NOVA1: variants seen among roughly 807,000 people sequenced by gnomAD.
NOVA1 encodes the protein NOVA alternative splicing regulator 1, also known as RNA-binding protein Nova-1.
NOVA1 carries 7 observed loss-of-function variants against 38.0 expected under a neutral mutation model. The observed-to-expected ratio is 0.18, with a 90% CI of 0.10 to 0.35. NOVA1 has a LOEUF of 0.35. Ranked by LOEUF, NOVA1 falls within the 10% of genes least tolerant of loss-of-function variation. The pLI is 1.00. For synonymous variants in NOVA1, 270 were observed against 232.5 expected (o/e 1.16, Z -1.47); for missense variants, 460 against 616.0 (o/e 0.75, Z 2.68).
In NOVA1 at chr14:26,446,213, T is replaced by C. The variant is rs954164278; in HGVS notation, c.*1746A>G. On this transcript the variant is annotated 3_prime_UTR_variant, in exon 5 of 5. Coordinates refer to ENST00000539517, the MANE Select transcript of NOVA1 (RefSeq NM_002515.3). The stretch of plus-strand genomic sequence containing the variant: ...TTTGACAGAAATGAATTATTAATAG[T>C]GGAAGGGGAAGGGATCAGGAAATAA... 1.1e-4 allele frequency: 17 copies of C among 150,828 alleles called. No individual in the cohort carries two copies. The highest frequency in any genetic ancestry group is 3.9e-4 in the African/African-American group (16 of 41,066). The allele number at this position is 150,828 out of a possible 1,614,324, so 9.3% of individuals were successfully genotyped here.
intron 2 of NOVA1, among the ~76,000 whole-genome samples, chr14:26,584,554 T>C (rs1801669257): frequency 6.6e-6 from 1 of 151,386 alleles, no homozygotes; most frequent in Admixed American, 6.6e-5. Context: ...GTCTCTTACC[T>C]GTACAGATAT....
chr14:26,596,812 C>T, intron 1 of NOVA1: 1 of 1,151,310 alleles, frequency 8.7e-7, no homozygotes, highest in South Asian at 1.7e-5. Flanking sequence ...CTACTTGTGG[C>T]CCAAAGCAAG....
rs869087238 is a variant in NOVA1, at chr14:26,484,428, GAAAAAAAAAAAAAAA to G, written c.281-4300_281-4286del. ...TCCAGCCTGGGCGAGACTCCGTCTC[GAAAAAAAAAAAAAAA>G]AAAAAAAAAAAAAAAAAAAGAAATT... On this transcript the variant is annotated intron_variant, in intron 2 of 4. Coordinates refer to ENST00000539517, the MANE Select transcript of NOVA1 (RefSeq NM_002515.3). 1.1e-4 allele frequency among the ~76,000 whole-genome samples: 6 copies of G among 56,438 alleles called. No homozygotes were observed. The East Asian group carries it at 2.5e-3, about 23-fold the overall frequency. 37.0% of individuals were successfully genotyped at this position (56,438 alleles called of 152,430 possible). A position where few individuals can be genotyped will look rare whatever the true frequency, so the allele number is the denominator to read the frequency against.
chr14:26,527,944 T>C (rs1042004277), intron 2 of NOVA1, among the ~76,000 whole-genome samples: 2 of 151,920 alleles, frequency 1.3e-5, no homozygotes, highest in Admixed American at 6.6e-5. Flanking sequence ...AAGAAGAAAC[T>C]AAAAAAGGTA....
intron 2 of NOVA1, among the ~76,000 whole-genome samples, chr14:26,537,792 G>A (rs1890207722): frequency 6.6e-6 from 1 of 152,150 alleles, no homozygotes; most frequent in Admixed American, 6.6e-5. Context: ...AAAAGACTAT[G>A]AGGAGAGAAC....
chr14:26,572,621 G>T (rs934274705), intron 2 of NOVA1, among the ~76,000 whole-genome samples: 12 of 151,950 alleles, frequency 7.9e-5, no homozygotes, highest in African/African-American at 2.4e-4. Flanking sequence ...TATAGGATGT[G>T]TCACAAGAAC....
At position 26,451,462 on chromosome 14, in the gene NOVA1, G is replaced by A. The variant is rs932000828; in HGVS notation, c.520-2499C>T. Among the ~76,000 whole-genome samples the A allele has an allele frequency of 2.0e-5, 3 of 152,046 alleles. No homozygotes were observed. In the South Asian group the frequency reaches 6.2e-4, roughly 32 times the overall value. On this transcript the variant is annotated intron_variant, in intron 4 of 4. Transcript: ENST00000539517. ...GACTCACTGCAACCTCCGCCTCCCG[G>A]GTTCAAGCGATTCTCCTGCCTCAGT...
intron 2 of NOVA1, among the ~76,000 whole-genome samples, chr14:26,562,252 CACTT>C (rs1566539837): frequency 2.6e-5 from 4 of 152,170 alleles, no homozygotes; most frequent in Admixed American, 1.3e-4. Flanking sequence ...ATCTTTCTGT[CACTT>C]ACTAGCCCTG....
intron 2 of NOVA1, among the ~76,000 whole-genome samples, chr14:26,539,184 C>T (rs190301881): frequency 1.3e-5 from 2 of 152,052 alleles, no homozygotes; most frequent in African/African-American, 4.8e-5. Flanking sequence ...TTCCTGTATC[C>T]CCAGCATGCA....
At chr14:26,553,146 G>A (rs1390662717) in intron 2 of NOVA1, among the ~76,000 whole-genome samples, 4 of 152,158 alleles carry the variant, frequency 2.6e-5, no homozygotes, top group African/African-American at 9.7e-5. Flanking sequence ...GGCAAGACAG[G>A]TAAAAGAACA....
At chr14:26,597,104 G>A in intron 1 of NOVA1, 197 bp downstream of exon 1, 1 of 1,231,996 alleles carries the variant, frequency 8.1e-7, no homozygotes, top group Non-Finnish European at 1.0e-6. Context: ...AAATGGAAAT[G>A]TGTCGGGGAC....
At chr14:26,533,727 A>G (rs1247500617) in intron 2 of NOVA1, among the ~76,000 whole-genome samples, 4 of 152,154 alleles carry the variant, frequency 2.6e-5, no homozygotes, top group African/African-American at 9.7e-5. Flanking sequence ...TTCTCTCACT[A>G]CATGCTTCCT....
At chr14:26,551,810 T>C (rs1891177110) in intron 2 of NOVA1, among the ~76,000 whole-genome samples, 2 of 152,008 alleles carry the variant, frequency 1.3e-5, no homozygotes, top group Non-Finnish European at 2.9e-5. Context: ...CTCTACTCCT[T>C]TTAGGTATTT....
At chr14:26,528,587 C>T (rs1016649440) in intron 2 of NOVA1, among the ~76,000 whole-genome samples, 2 of 152,082 alleles carry the variant, frequency 1.3e-5, no homozygotes, top group African/African-American at 4.8e-5. Context: ...CACCGGCACA[C>T]CCAGGGTGGG....
intron 2 of NOVA1, among the ~76,000 whole-genome samples, chr14:26,482,773 C>T (rs555759890): frequency 1.3e-5 from 2 of 152,250 alleles, no homozygotes; most frequent in African/African-American, 4.8e-5. Flanking sequence ...TCTTGGCTCA[C>T]TGCAGCCTCG....
intron 3 of NOVA1, among the ~76,000 whole-genome samples, chr14:26,476,787 G>C (rs1056223356): frequency 2.0e-5 from 3 of 146,728 alleles, no homozygotes; most frequent in Non-Finnish European, 4.4e-5. Flanking sequence ...CGCGATCTTG[G>C]CTCACTGCAA....
At chr14:26,578,841 A>G (rs192076736) in intron 2 of NOVA1, among the ~76,000 whole-genome samples, 216 of 152,228 alleles carry the variant, frequency 1.4e-3, no homozygotes, top group African/African-American at 4.9e-3. Context: ...CCTAATACAG[A>G]CTAACACAGA....
chr14:26,453,176 G>GTATA (rs1224050269), intron 4 of NOVA1, among the ~76,000 whole-genome samples: 1 of 34,518 alleles, frequency 2.9e-5, no homozygotes, highest in Non-Finnish European at 7.8e-5. Context: ...ATGTATGTAT[G>GTATA]TATGTATGTA....
intron 2 of NOVA1, among the ~76,000 whole-genome samples, chr14:26,575,918 A>C (rs1376401279): frequency 6.6e-6 from 1 of 152,054 alleles, no homozygotes; most frequent in Non-Finnish European, 1.5e-5. Context: ...TTTAAATTAA[A>C]ACAGATAAAT....
Sources: gnomAD v4.1 joint callset for allele counts (sites outside exome capture counted in the v4.1 genomes callset) on GRCh38, gnomAD v4.1.1 for gene constraint, MANE v1.5 for transcripts, NCBI Gene and HGNC (gene_info 2026-07-23, HGNC 2026-07-21) for gene names.